The following NCR3LG1 variants were observed in gnomAD, a reference collection of about 807,000 sequenced individuals.
NCR3LG1 encodes natural killer cell cytotoxicity receptor 3 ligand 1.
In NCR3LG1, 35 loss-of-function variants were observed where a neutral mutation model predicts 34.8. The observed-to-expected ratio is 1.01, with a 90% confidence interval of 0.77 to 1.33. The LOEUF (loss-of-function observed/expected upper bound fraction) is 1.33. Among genes scored for constraint, NCR3LG1 ranks in the 40% most tolerant of loss-of-function variants. The pLI, the probability that NCR3LG1 is intolerant of heterozygous loss-of-function variation, is 0.00. For synonymous variants in NCR3LG1, 173 were observed against 163.6 expected, an observed-to-expected ratio of 1.06 and a Z score of -0.44; for missense variants, 452 against 423.3, an observed-to-expected ratio of 1.07 and a Z score of -0.60.
intron 1 of NCR3LG1, among the ~76,000 whole-genome samples, chr11:17,354,542 C>CTTTT (rs1403651130): frequency 3.4e-5 from 2 of 58,016 alleles, no homozygotes; most frequent in East Asian, 4.5e-4. Context: ...CCCAATTCTT[C>CTTTT]TTCTTTTTTT....
intron 4 of NCR3LG1, among the ~76,000 whole-genome samples, chr11:17,369,370 A>G (rs903897930): frequency 1.3e-5 from 2 of 151,896 alleles, no homozygotes; most frequent in Admixed American, 1.3e-4. Flanking sequence ...CTCATATTTT[A>G]TCTGATCAAT....
At position 17,372,708 on chromosome 11, in the gene NCR3LG1, A is replaced by G; in HGVS notation, c.*196A>G. ...TTAAACTCTTAACTACTACAGAGAA[A>G]CAGGTAGCCCTGCAGGCAGCAGAAA... On this transcript the variant is annotated 3_prime_UTR_variant, in exon 5 of 5. Transcript: ENST00000338965. 1 of 525,732 alleles carries G rather than the reference A, an allele frequency of 1.9e-6. No homozygotes were observed. Among genetic ancestry groups the G allele is most frequent in the Admixed American group, 3.4e-5 (1 of 29,070 alleles). 32.6% of individuals were successfully genotyped at this position (525,732 alleles called of 1,614,324 possible).
chr11:17,355,953 A>G lies in NCR3LG1; in HGVS notation c.71-698A>G, dbSNP rs113057829. Among the ~76,000 whole-genome samples, 216 of 152,084 alleles carry G rather than the reference A, an allele frequency of 1.4e-3. 1 individual carries two copies. The highest frequency in any genetic ancestry group is 4.6e-3 in the African/African-American group (192 of 41,490). On this transcript the variant is annotated intron_variant, in intron 1 of 4. Transcript: ENST00000338965. ...GCTGGGACTACAAGTGCTAACCACCATGCTGGGCTAATTTATTTTTATTTT... is the reference window on the plus strand; with the variant it reads ...GCTGGGACTACAAGTGCTAACCACCGTGCTGGGCTAATTTATTTTTATTTT...
intron 2 of NCR3LG1, 98 bp from the exon 3 acceptor site, chr11:17,366,911 C>A: frequency 1.2e-6 from 1 of 800,978 alleles, no homozygotes; most frequent in Non-Finnish European, 1.9e-6. Context: ...AGCAGTGATG[C>A]ATAGCTGTGA....
chr11:17,378,548 G>A (rs1484069816), downstream of NCR3LG1, among the ~76,000 whole-genome samples: 2 of 152,116 alleles, frequency 1.3e-5, no homozygotes, highest in African/African-American at 4.8e-5. Flanking sequence ...CCATTCTTCT[G>A]GGGACCCTTA....
At chr11:17,363,558 T>TCCTTCCTTCCTTCCTTCCTC (rs1953310647) in intron 2 of NCR3LG1, among the ~76,000 whole-genome samples, 1 of 117,898 alleles carries the variant, frequency 8.5e-6, no homozygotes, top group African/African-American at 3.1e-5. Flanking sequence ...CTTCCTTCCT[T>TCCTTCCTTCCTTCCTTCCTC]CCTTCCTTCC....
intron 2 of NCR3LG1, among the ~76,000 whole-genome samples, chr11:17,362,741 TTTCTTTC>T (rs1158410459): frequency 1.0e-5 from 1 of 99,736 alleles, no homozygotes; most frequent in Non-Finnish European, 1.9e-5. Flanking sequence ...TCTTTCTTTC[TTTCTTTC>T]TTTCTTTCTT....
At chr11:17,363,865 G>C (rs1190216815) in intron 2 of NCR3LG1, among the ~76,000 whole-genome samples, 6 of 152,188 alleles carry the variant, frequency 3.9e-5, no homozygotes, top group Admixed American at 3.9e-4. Flanking sequence ...TGAAAGTGCT[G>C]GGATTATAGG....
chr11:17,362,261 G>A (rs1180651890), intron 2 of NCR3LG1, among the ~76,000 whole-genome samples: 1 of 151,520 alleles, frequency 6.6e-6, no homozygotes, highest in East Asian at 1.9e-4. Context: ...TTGATATGAT[G>A]ACTTACATTA....
At chr11:17,355,559 G>A (rs1480019876) in intron 1 of NCR3LG1, among the ~76,000 whole-genome samples, 2 of 152,046 alleles carry the variant, frequency 1.3e-5, no homozygotes, top group African/African-American at 4.8e-5. Flanking sequence ...CTAAATAAAT[G>A]AAATGGAAAA....
At chr11:17,378,073 A>T (rs556592230), downstream of NCR3LG1, among the ~76,000 whole-genome samples, 1 of 152,136 alleles carries the variant, frequency 6.6e-6, no homozygotes, top group Non-Finnish European at 1.5e-5. Context: ...TAATATTTCT[A>T]TTATGATGCC....
At chr11:17,357,239 G>A (rs1953221119) in intron 2 of NCR3LG1, among the ~76,000 whole-genome samples, 1 of 152,200 alleles carries the variant, frequency 6.6e-6, no homozygotes, top group East Asian at 1.9e-4. Context: ...AGTCTGAGAT[G>A]AAGACATCAG....
At chr11:17,371,945 G>C in intron 4 of NCR3LG1, 61 bp from the exon 5 acceptor site, 1 of 631,006 alleles carries the variant, frequency 1.6e-6, no homozygotes, top group Non-Finnish European at 2.8e-6. Context: ...TCTCTCTGCT[G>C]TCGATCACTC....
At chr11:17,378,604 C>T (rs1373435779), downstream of NCR3LG1, among the ~76,000 whole-genome samples, 3 of 152,144 alleles carry the variant, frequency 2.0e-5, no homozygotes, top group Non-Finnish European at 4.4e-5. Context: ...CCAACGACGC[C>T]CCCTTCCAGC....
intron 2 of NCR3LG1, 97 bp from the exon 3 acceptor site, chr11:17,366,912 A>C (rs1489761583): frequency 2.4e-6 from 2 of 823,172 alleles, no homozygotes; most frequent in African/African-American, 1.7e-5. Flanking sequence ...GCAGTGATGC[A>C]TAGCTGTGAG....
intron 1 of NCR3LG1, among the ~76,000 whole-genome samples, chr11:17,353,706 C>T (rs1339093850): frequency 3.1e-5 from 3 of 95,298 alleles, no homozygotes; most frequent in African/African-American, 1.4e-4. Context: ...CGGCGGCGCC[C>T]AGTGACGGCA....
intron 2 of NCR3LG1, among the ~76,000 whole-genome samples, chr11:17,365,018 C>T (rs375363358): frequency 4.6e-5 from 7 of 152,160 alleles, no homozygotes; most frequent in African/African-American, 1.7e-4. Flanking sequence ...GTGCTCTTAA[C>T]ATTTTAATTA....
In NCR3LG1 at chr11:17,372,626, G is replaced by T. The variant is rs1049154513; in HGVS notation, c.*114G>T. ...CTGATGACCTGATAGATATATAGAG[G>T]CTTTCCAAAACCTAACTCAGGTGTT... is the stretch of plus-strand genomic sequence containing the variant. On this transcript the variant is annotated 3_prime_UTR_variant, in exon 5 of 5. Coordinates refer to ENST00000338965, the MANE Select transcript of NCR3LG1 (RefSeq NM_001202439.3). The T allele has an allele frequency of 8.4e-6, 5 of 596,678 alleles. No individual in the cohort carries two copies. Among genetic ancestry groups the T allele is most frequent in the African/African-American group, 1.9e-5 (1 of 53,862 alleles). The allele number at this position is 596,678 out of a possible 1,614,324, so 37.0% of individuals were successfully genotyped here.
At chr11:17,353,718 C>T (rs1953169946) in intron 1 of NCR3LG1, among the ~76,000 whole-genome samples, 1 of 152,186 alleles carries the variant, frequency 6.6e-6, no homozygotes, top group South Asian at 2.1e-4. Context: ...GTGACGGCAG[C>T]AGCAGCAGCA....
Sources: allele counts gnomAD v4.1 joint callset (sites outside exome capture counted in the v4.1 genomes callset), GRCh38; gene constraint gnomAD v4.1.1; transcripts MANE v1.5; gene names NCBI Gene and HGNC (gene_info 2026-07-23, HGNC 2026-07-21).